CDH4: variants seen among roughly 807,000 people sequenced by gnomAD.
CDH4 encodes the protein cadherin-4.
In CDH4, 33 loss-of-function variants were observed where a neutral mutation model predicts 86.0. That is an observed-to-expected ratio of 0.38 (90% confidence interval 0.29 to 0.51). The LOEUF is 0.51. Ranked by LOEUF, CDH4 falls within the 20% of genes least tolerant of loss-of-function variation. The pLI is 0.86. For synonymous variants in CDH4, 555 were observed against 549.4 expected (o/e 1.01, Z -0.14); for missense variants, 1,114 against 1,307.4 (o/e 0.85, Z 2.28).
intron 2 of CDH4, among the ~76,000 whole-genome samples, chr20:61,607,944 C>G (rs1235617056): frequency 6.6e-6 from 1 of 152,224 alleles, no homozygotes; most frequent in Non-Finnish European, 1.5e-5. Flanking sequence ...AACCCCAACA[C>G]TTGGGTCTAC....
At chr20:61,852,670 C>T in intron 5 of CDH4, 84 bp from the exon 6 acceptor site, 2 of 1,456,554 alleles carry the variant, frequency 1.4e-6, no homozygotes, top group Non-Finnish European at 1.8e-6. Context: ...CAGTCTCCTA[C>T]CCCAGCACCG....
chr20:61,926,563 G>A (rs3787420), intron 11 of CDH4, among the ~76,000 whole-genome samples: 69,425 of 152,090 alleles, frequency 0.46, 18,038 homozygotes, highest in East Asian at 0.84. Flanking sequence ...AAGCCCTGAG[G>A]TTAAATTAGA....
chr20:61,467,879 T>C (rs6121994), intron 2 of CDH4, among the ~76,000 whole-genome samples: 2,617 of 152,282 alleles, frequency 0.017, 71 homozygotes, highest in African/African-American at 0.06. Flanking sequence ...CACTGAAAGC[T>C]GTTATACTCA....
Position 61,501,201 on chromosome 20 carries a change from A to G in CDH4, c.170-242362A>G, listed in dbSNP as rs765800520. On this transcript the variant is annotated intron_variant, in intron 2 of 15. Transcript: ENST00000614565. This position sits in a 1 kb window ranked among gnomAD's most constrained non-coding sequence, Gnocchi z 4.2. Reference sequence around the variant, plus strand: ...TCAGGCTGGGGGAGGTGGCGCTGCCATCCGCCATCTCCAGTCTCCTTATCT... The same window carrying G: ...TCAGGCTGGGGGAGGTGGCGCTGCCGTCCGCCATCTCCAGTCTCCTTATCT... 6.6e-6 allele frequency among the ~76,000 whole-genome samples: 1 copy of G among 152,300 alleles called. No individual in the cohort carries two copies. The highest frequency in any genetic ancestry group is 1.9e-4 in the East Asian group (1 of 5,178).
chr20:61,658,337 C>T lies in CDH4; in HGVS notation c.170-85226C>T, dbSNP rs371748842. ...ATCCAACATGTCTGCAACCCCGAGT[C>T]ATTGTCCCCTCCGAGTTCCAGATCT... On this transcript the variant is annotated intron_variant, in intron 2 of 15. Transcript: ENST00000614565. Among the ~76,000 whole-genome samples the T allele has an allele frequency of 3.3e-5, 5 of 152,216 alleles. No homozygotes were observed. The South Asian group carries it at 1.0e-3, about 32-fold the overall frequency.
intron 2 of CDH4, among the ~76,000 whole-genome samples, chr20:61,558,431 G>A (rs188229759): frequency 1.1e-4 from 16 of 152,104 alleles, no homozygotes; most frequent in Admixed American, 2.6e-4. Flanking sequence ...AGGTAACTTT[G>A]TAAATCCTTT....
At chr20:61,270,446 G>A (rs558335852) in intron 2 of CDH4, among the ~76,000 whole-genome samples, 17 of 152,304 alleles carry the variant, frequency 1.1e-4, no homozygotes, top group African/African-American at 1.9e-4. Context: ...GTGCTGGGCC[G>A]AAGGCTATAA....
intron 2 of CDH4, among the ~76,000 whole-genome samples, chr20:61,522,267 C>G (rs1416397467): frequency 1.3e-5 from 2 of 152,102 alleles, no homozygotes; most frequent in Non-Finnish European, 2.9e-5. Flanking sequence ...CGTGGAGAGG[C>G]CGGATCGGGA....
intron 2 of CDH4, chr20:61,718,978 C>G (rs6061333): frequency 2.1e-6 from 1 of 471,262 alleles, no homozygotes; most frequent in South Asian, 1.5e-5. Context: ...GCCCCCTGCC[C>G]TGCACCAGAT....
chr20:61,566,135 A>T (rs1263593283), intron 2 of CDH4, among the ~76,000 whole-genome samples: 1 of 151,980 alleles, frequency 6.6e-6, no homozygotes, highest in African/African-American at 2.4e-5. Flanking sequence ...CTCGTCCCCG[A>T]CAGACTCACC....
intron 6 of CDH4, among the ~76,000 whole-genome samples, chr20:61,871,040 TGTGTGTG>T (rs1196382304): frequency 6.0e-5 from 1 of 16,538 alleles, no homozygotes; most frequent in Non-Finnish European, 1.4e-4. Flanking sequence ...ATTTATAGGA[TGTGTGTG>T]TGTGTGTGTG....
chr20:61,711,208 C>T (rs1295445095), intron 2 of CDH4, among the ~76,000 whole-genome samples: 5 of 152,192 alleles, frequency 3.3e-5, no homozygotes, highest in African/African-American at 9.7e-5. Flanking sequence ...TCACCCAGCA[C>T]TTCTCCTTCC....
At chr20:61,475,219 C>T (rs2085527400) in intron 2 of CDH4, among the ~76,000 whole-genome samples, 2 of 152,066 alleles carry the variant, frequency 1.3e-5, no homozygotes, top group African/African-American at 4.8e-5. Context: ...AATGTGGCGT[C>T]TGTTGACTTC....
In CDH4 at chr20:61,932,934, A is replaced by G. The variant is rs958958037; in HGVS notation, c.2240-51A>G. 3 of 1,593,850 alleles carry G rather than the reference A, an allele frequency of 1.9e-6. No individual in the cohort carries two copies. The African/African-American group carries it at 4.0e-5, about 21-fold the overall frequency. ...AGACACATGGCAAACACAGAGGCAC[A>G]CATGCGCACACCCGCAGCACACCCT... On this transcript the variant is annotated intron_variant, in intron 13 of 15. Coordinates refer to ENST00000614565, the MANE Select transcript of CDH4 (RefSeq NM_001794.5).
intron 6 of CDH4, among the ~76,000 whole-genome samples, chr20:61,864,919 C>A (rs1247480507): frequency 6.6e-6 from 1 of 152,210 alleles, no homozygotes; most frequent in African/African-American, 2.4e-5. Flanking sequence ...CCCTGTCACC[C>A]CCCCGGGTCC....
intron 4 of CDH4, among the ~76,000 whole-genome samples, chr20:61,809,948 CAG>C (rs1187153876): frequency 1.3e-5 from 2 of 152,096 alleles, no homozygotes; most frequent in African/African-American, 2.4e-5. Flanking sequence ...TGCAGGCAGT[CAG>C]GGGAGGAAGA....
chr20:61,304,845 T>G (rs1265724790), intron 2 of CDH4, among the ~76,000 whole-genome samples: 1 of 150,478 alleles, frequency 6.6e-6, no homozygotes, highest in African/African-American at 2.5e-5. Context: ...GTGTTGCGCA[T>G]GCAGCACGTG....
intron 2 of CDH4, among the ~76,000 whole-genome samples, chr20:61,443,954 G>A (rs1216496939): frequency 1.9e-5 from 2 of 103,744 alleles, no homozygotes; most frequent in African/African-American, 9.8e-5. Flanking sequence ...CTGTGTGTGT[G>A]TCTGTGTGTG....
At chr20:61,452,213 C>G (rs993733535) in intron 2 of CDH4, among the ~76,000 whole-genome samples, 1 of 152,164 alleles carries the variant, frequency 6.6e-6, no homozygotes, top group African/African-American at 2.4e-5. Flanking sequence ...AGGCAGGTGG[C>G]AGACTTACAT....
Sources: allele counts gnomAD v4.1 joint callset (sites outside exome capture counted in the v4.1 genomes callset), GRCh38; gene constraint gnomAD v4.1.1; non-coding constraint Gnocchi (gnomAD v3.1); transcripts MANE v1.5; gene names NCBI Gene and HGNC (gene_info 2026-07-23, HGNC 2026-07-21).